RARG: variants seen among roughly 807,000 people sequenced by gnomAD.
RARG encodes retinoic acid receptor gamma.
A neutral mutation model predicts 43.7 loss-of-function variants in RARG; 17 were observed. That is an observed-to-expected ratio of 0.39 (90% CI 0.27 to 0.58). The LOEUF is 0.58. Ranked by LOEUF, RARG falls within the 20% of genes least tolerant of loss-of-function variation. The pLI, the probability that RARG is intolerant of heterozygous loss-of-function variation, is 0.57. For missense variants in RARG, 346 were observed against 598.7 expected, an observed-to-expected ratio of 0.58 and a Z score of 4.40; for synonymous variants, 238 against 236.4, an observed-to-expected ratio of 1.01 and a Z score of -0.06.
Position 53,213,554 on chromosome 12 carries a change from G to A in RARG, c.960C>T (p.Pro320=), listed in dbSNP as rs1942671620. ...LVFAFAGQLL[P]LEMDDTETGL... ...CTGTCTCGGTGTCATCCATCTCCAGGGGCAGGAGCTGCCCAGCAAAGGCAA... is the reference window on the plus strand; with the variant it reads ...CTGTCTCGGTGTCATCCATCTCCAGAGGCAGGAGCTGCCCAGCAAAGGCAA... The change falls in exon 8 of 10, where the codon CCC becomes CCT. Residue 320 remains proline (P), a synonymous_variant. Transcript: ENST00000425354. The surrounding 1 kb of genome is among the most constrained non-coding windows in gnomAD (Gnocchi z 4.7). 1.9e-6 allele frequency: 3 copies of A among 1,613,942 alleles called. No individual in the cohort carries two copies. The South Asian group carries it at 3.3e-5, about 18-fold the overall frequency.
intron 3 of RARG, chr12:53,220,063 C>T: frequency 6.5e-7 from 1 of 1,548,896 alleles, no homozygotes; most frequent in Non-Finnish European, 8.7e-7. Flanking sequence ...GTACAGCCGT[C>T]GCGGACCCGG....
chr12:53,220,260 G>A, intron 3 of RARG: 1 of 1,381,886 alleles, frequency 7.2e-7, no homozygotes, highest in Non-Finnish European at 9.5e-7. Context: ...CGGGGAAGAG[G>A]GGGGATCCCC....
chr12:53,210,631 A>G lies in RARG; in HGVS notation c.*1045T>C, dbSNP rs1942562149. 6.6e-6 allele frequency: 1 copy of G among 152,610 alleles called. No homozygotes were observed. Among genetic ancestry groups the G allele is most frequent in the East Asian group, 1.9e-4 (1 of 5,198 alleles). The allele number at this position is 152,610 out of a possible 1,614,324, so 9.5% of individuals were successfully genotyped here. A position where few individuals can be genotyped will look rare whatever the true frequency, so the allele number is the denominator to read the frequency against. ...TCAGCAATATGCGATACAGCGGGGT[A>G]GAGGGGAGATGTAAACAGAGGGGAG... is the stretch of plus-strand genomic sequence containing the variant. On this transcript the variant is annotated 3_prime_UTR_variant, in exon 10 of 10. Transcript: ENST00000425354.
At position 53,227,754 on chromosome 12, in the gene RARG, CCT is replaced by C. The variant is rs1943142226; in HGVS notation, c.-142-69_-142-68del. ...ACTCTGAGGTTCCAAGCCCTGTGAC[CCT>C]CTCTCAGTTGCAGTCTTCTCCCTCT... On this transcript the variant is annotated intron_variant, in intron 2 of 9. Transcript: ENST00000425354. The surrounding 1 kb of genome is among the most constrained non-coding windows in gnomAD (Gnocchi z 4.3). The C allele has an allele frequency of 5.3e-6, 6 of 1,128,904 alleles. No homozygotes were observed. The highest frequency in any genetic ancestry group is 6.8e-6 in the Non-Finnish European group (6 of 877,144). 69.9% of individuals were successfully genotyped at this position (1,128,904 alleles called of 1,614,324 possible). A position where few individuals can be genotyped will look rare whatever the true frequency, so the allele number is the denominator to read the frequency against.
intron 2 of RARG, among the ~76,000 whole-genome samples, chr12:53,228,903 G>A (rs1013190802): frequency 1.3e-5 from 2 of 152,076 alleles, no homozygotes; most frequent in Admixed American, 6.6e-5. Flanking sequence ...TTATCCCTGG[G>A]CTCCCTGTTT....
At chr12:53,220,539 TATC>T (rs1942928599) in intron 3 of RARG, 1 of 284,430 alleles carries the variant, frequency 3.5e-6, no homozygotes, top group Middle Eastern at 1.0e-3. Context: ...GCATTTATCT[TATC>T]AGGCACCAAG....
At chr12:53,231,852 C>A in intron 1 of RARG, 122 bp downstream of exon 1, 1 of 386,372 alleles carries the variant, frequency 2.6e-6, no homozygotes, top group African/African-American at 2.1e-5. Context: ...AGCCCGGCGG[C>A]CAGCCTGGCC....
intron 3 of RARG, among the ~76,000 whole-genome samples, chr12:53,221,362 G>GT (rs1942957473): frequency 6.6e-6 from 1 of 152,116 alleles, no homozygotes; most frequent in Non-Finnish European, 1.5e-5. Context: ...CCCATAAGCT[G>GT]TGCCTGCCGT....
rs749539197 is a variant in RARG at position 53,214,194 on chromosome 12, C to T, written c.678G>A (p.Leu226=). 6.2e-7 allele frequency: 1 copy of T among 1,613,852 alleles called. No homozygotes were observed. The highest frequency in any genetic ancestry group is 1.1e-5 in the South Asian group (1 of 91,070). Residue 226 remains leucine, a synonymous_variant, in exon 7 of 10, where the codon CTG becomes CTA. Transcript: ENST00000425354. ...TAGCCAGCTCACTGAACTTGTCCCA[C>T]AGCCCCAGATCCAGCTGCACGCGGT... ...ADHRVQLDLG[L]WDKFSELATK...
chr12:53,222,099 G>A (rs1942984168), intron 3 of RARG, among the ~76,000 whole-genome samples: 2 of 151,942 alleles, frequency 1.3e-5, no homozygotes, highest in Non-Finnish European at 2.9e-5. Flanking sequence ...CTGACTAGGG[G>A]GCTTGAAGCA....
chr12:53,221,114 G>A lies in RARG; in HGVS notation c.185-5320C>T, dbSNP rs535912740. The stretch of plus-strand genomic sequence containing the variant: ...AGCGCGCTCACCTCCTCCTGACCCG[G>A]CCCCGCCCCACCCCGCCCAGGCCGT... On this transcript the variant is annotated intron_variant, in intron 3 of 9. Transcript: ENST00000425354. Among the ~76,000 whole-genome samples, 211 of 150,046 alleles carry A rather than the reference G, an allele frequency of 1.4e-3. 3 individuals are homozygous for A. The highest frequency in any genetic ancestry group is 5.0e-3 in the African/African-American group (203 of 40,804).
Position 53,213,644 on chromosome 12 carries a change from G to A in RARG, c.870C>T (p.Asp290=), listed in dbSNP as rs201815743. 3.6e-5 allele frequency: 58 copies of A among 1,613,874 alleles called. No individual in the cohort carries two copies. Among genetic ancestry groups the A allele is most frequent in the Non-Finnish European group, 4.5e-5 (53 of 1,179,896 alleles). The change falls in exon 8 of 10, where the codon GAC becomes GAT. Residue 290 remains aspartate (D), a synonymous_variant. Transcript: ENST00000425354. This position sits in a 1 kb window ranked among gnomAD's most constrained non-coding sequence, Gnocchi z 4.7. ...TPEQDTMTFS[D]GLTLNRTQMH... ...TCTGGGTCCGGTTCAGGGTCAGCCC[G>A]TCGGAGAAGGTCATGGTGTCCTGCT...
At position 53,213,911 on chromosome 12, in the gene RARG, G is replaced by T; in HGVS notation, c.813+148C>A. 8.9e-7 allele frequency: 1 copy of T among 1,129,838 alleles called. No homozygotes were observed. Among genetic ancestry groups the T allele is most frequent in the Non-Finnish European group, 1.3e-6 (1 of 785,790 alleles). 70.0% of individuals were successfully genotyped at this position (1,129,838 alleles called of 1,614,324 possible). ...CCAAAAGTCTAGGATCAGGTCATAG[G>T]GGCAGAGGCTAAGACGAAAAGAGAG... On this transcript the variant is annotated intron_variant, in intron 7 of 9. Coordinates refer to ENST00000425354, the MANE Select transcript of RARG (RefSeq NM_000966.6). This position sits in a 1 kb window ranked among gnomAD's most constrained non-coding sequence, Gnocchi z 4.7.
At chr12:53,218,736 G>A (rs1161234629) in intron 3 of RARG, among the ~76,000 whole-genome samples, 10 of 151,738 alleles carry the variant, frequency 6.6e-5, no homozygotes, top group Non-Finnish European at 1.0e-4. Context: ...GCCAAGGAGC[G>A]AGGCGCGTTG....
At chr12:53,222,248 G>GAAAAAAA (rs1173964398) in intron 3 of RARG, among the ~76,000 whole-genome samples, 1 of 98,584 alleles carries the variant, frequency 1.0e-5, no homozygotes, top group African/African-American at 5.4e-5. Flanking sequence ...AGAAAAGAAA[G>GAAAAAAA]AGAAAGAAAG....
chr12:53,214,880 GGGCAGGATATGCAGGC>G (rs982934978), intron 5 of RARG: 17 of 449,824 alleles, frequency 3.8e-5, no homozygotes, highest in African/African-American at 2.5e-4. Flanking sequence ...GGGGGAGGGG[GGGCAGGATATGCAGGC>G]GGCAGGATAT....
chr12:53,214,946 G>A (rs536634490), intron 5 of RARG: 50 of 408,578 alleles, frequency 1.2e-4, no homozygotes, highest in East Asian at 2.5e-4. Context: ...GCGAGGGGGG[G>A]GTGGAGAGGA....
At chr12:53,226,022 C>A (rs1487139477) in intron 3 of RARG, among the ~76,000 whole-genome samples, 2 of 152,226 alleles carry the variant, frequency 1.3e-5, no homozygotes, top group East Asian at 3.8e-4. Context: ...TTTCCATCCT[C>A]CCCAGAACCA....
chr12:53,212,737 T>TATATACAC (rs1272930364), intron 9 of RARG, among the ~76,000 whole-genome samples: 1 of 133,702 alleles, frequency 7.5e-6, no homozygotes, highest in African/African-American at 2.9e-5. Flanking sequence ...AATATATATA[T>TATATACAC]ACACACACAC....
Sources: gnomAD v4.1 joint callset for allele counts (sites outside exome capture counted in the v4.1 genomes callset) on GRCh38, gnomAD v4.1.1 for gene constraint, Gnocchi (gnomAD v3.1) non-coding constraint, MANE v1.5 for transcripts, NCBI Gene and HGNC (gene_info 2026-07-23, HGNC 2026-07-21) for gene names.